The following DHX29 variants were observed in gnomAD, a reference collection of about 807,000 sequenced individuals.
The protein encoded by DHX29 is ATP-dependent RNA helicase DHX29.
A neutral mutation model predicts 167.9 loss-of-function variants in DHX29; 79 were observed. The observed-to-expected ratio is 0.47, with a 90% CI of 0.39 to 0.57. The LOEUF is 0.57. Ranked by LOEUF, DHX29 falls within the 20% of genes least tolerant of loss-of-function variation. The probability of loss-of-function intolerance (pLI) is 0.00; values close to 1 mark genes in which losing one functional copy is unlikely to be tolerated. For missense variants in DHX29, 1,347 were observed against 1,593.4 expected (o/e 0.85, Z 2.63); for synonymous variants, 530 against 546.0 (o/e 0.97, Z 0.41).
chr5:55,304,462 G>A (rs1006516799), intron 1 of DHX29, among the ~76,000 whole-genome samples: 2 of 151,768 alleles, frequency 1.3e-5, no homozygotes, highest in African/African-American at 2.4e-5. Flanking sequence ...ACAGGCGCTC[G>A]CCACTATGCC....
At position 55,273,344 on chromosome 5, in the gene DHX29, T is replaced by G; in HGVS notation, c.2724A>C (p.Ser908=). 1 of 1,593,188 alleles carries G rather than the reference T, an allele frequency of 6.3e-7. No individual in the cohort carries two copies. The highest frequency in any genetic ancestry group is 1.1e-5 in the South Asian group (1 of 87,224). The part of the protein sequence containing the change: ...YKVIALHSIL[S]TQDQAAAFTL... ...TGAATGCTGCAGCTTGATCTTGGGT[T>G]GAAAGAATAGAATGCAGAGCTATCA... The change falls in exon 17 of 27, where the codon TCA becomes TCC. Residue 908 remains serine (S), a synonymous_variant. Transcript: ENST00000251636.
At chr5:55,304,105 T>C (rs568487939) in intron 1 of DHX29, among the ~76,000 whole-genome samples, 1 of 152,010 alleles carries the variant, frequency 6.6e-6, no homozygotes, top group South Asian at 2.1e-4. Flanking sequence ...GTGGCACTTC[T>C]AAAGCACAGG....
At chr5:55,262,980 A>G (rs1432650793) in intron 23 of DHX29, 48 bp from the exon 24 acceptor site, 1 of 1,378,966 alleles carries the variant, frequency 7.3e-7, no homozygotes. Flanking sequence ...TGATTAGAGG[A>G]ATTTCCAAAT....
Position 55,276,257 on chromosome 5 carries a change from T to G in DHX29, c.2427+9A>C. On this transcript the variant is annotated intron_variant, in intron 14 of 26. Coordinates refer to ENST00000251636, the MANE Select transcript of DHX29 (RefSeq NM_019030.4). ...TTATCTGATATCTTTCAAAATATTT[T>G]CTTTTTACCTGATATTTTTTTATTC... 5 of 1,563,464 alleles carry G rather than the reference T, an allele frequency of 3.2e-6. No homozygotes were observed. The highest frequency in any genetic ancestry group is 2.6e-6 in the Non-Finnish European group (3 of 1,162,826).
At chr5:55,287,863 T>C (rs1248358870) in intron 8 of DHX29, among the ~76,000 whole-genome samples, 3 of 143,828 alleles carry the variant, frequency 2.1e-5, no homozygotes, top group African/African-American at 2.6e-5. Context: ...GCAGGAGAAT[T>C]GCTTGAATCC....
intron 11 of DHX29, among the ~76,000 whole-genome samples, chr5:55,282,026 TC>T (rs1174981478): frequency 2.0e-5 from 3 of 151,926 alleles, no homozygotes; most frequent in South Asian, 4.2e-4. Flanking sequence ...CCTCAGGTGA[TC>T]CCCCCGCCTC....
chr5:55,286,776 G>C (rs980368304), intron 8 of DHX29, among the ~76,000 whole-genome samples: 7 of 152,148 alleles, frequency 4.6e-5, no homozygotes, highest in African/African-American at 1.7e-4. Context: ...ACTCATATTT[G>C]GCTAGCAGCT....
Position 55,283,830 on chromosome 5 carries a change from T to C in DHX29, c.1357-19A>G, listed in dbSNP as rs1479674309. 4 of 1,544,290 alleles carry C rather than the reference T, an allele frequency of 2.6e-6. No homozygotes were observed. In the South Asian group the frequency reaches 5.1e-5, roughly 20 times the overall value. On this transcript the variant is annotated intron_variant, in intron 10 of 26. Transcript: ENST00000251636. ...GAACTGACTAAAGGAAAAACAGAGGTATGTTATTTTCACTAACTATTCAAT... is the reference window on the plus strand; with the variant it reads ...GAACTGACTAAAGGAAAAACAGAGGCATGTTATTTTCACTAACTATTCAAT...
At chr5:55,266,681 T>C (rs1394187063) in intron 23 of DHX29, among the ~76,000 whole-genome samples, 2 of 152,134 alleles carry the variant, frequency 1.3e-5, no homozygotes, top group African/African-American at 4.8e-5. Flanking sequence ...AGTGGTACAA[T>C]TGTAACTCAC....
chr5:55,299,000 G>A (rs578098066), intron 1 of DHX29, among the ~76,000 whole-genome samples: 5 of 137,290 alleles, frequency 3.6e-5, no homozygotes, highest in Middle Eastern at 4.4e-3. Context: ...ACTGCAGTCC[G>A]CAGTCCGGCC....
intron 5 of DHX29, 87 bp from the exon 6 acceptor site, chr5:55,294,232 A>G: frequency 7.7e-7 from 1 of 1,292,346 alleles, no homozygotes; most frequent in Non-Finnish European, 1.0e-6. Context: ...ATTTCCTCAC[A>G]CTCAAAAGCA....
Position 55,277,201 on chromosome 5 carries a change from T to C in DHX29, c.2191A>G (p.Ile731Val), listed in dbSNP as rs1186996852. The C allele has an allele frequency of 1.2e-6, 2 of 1,611,800 alleles. No individual in the cohort carries two copies. Among genetic ancestry groups the C allele is most frequent in the Non-Finnish European group, 1.7e-6 (2 of 1,178,000 alleles). The stretch of plus-strand genomic sequence containing the variant: ...CTGTCCACAGTGGCACTCATTAGAA[T>C]CAAGTGTAGATCAGAACGTTTCTGT... ...ILQKRSDLHLILMSATVDSEK... is the reference protein window; with the variant it reads ...ILQKRSDLHLVLMSATVDSEK... The change falls in exon 13 of 27, where the codon ATT (isoleucine) becomes GTT (valine). Residue 731 changes from isoleucine (I) to valine (V), a missense_variant. Around this residue, in one of 3 missense-constraint regions of DHX29, gnomAD observed 882 missense variants for 1,082.4 expected, o/e 0.81. Coordinates refer to ENST00000251636, the MANE Select transcript of DHX29 (RefSeq NM_019030.4).
At position 55,274,636 on chromosome 5, in the gene DHX29, C is replaced by T; in HGVS notation, c.2668G>A (p.Asp890Asn). ...TACCGTTCAGAATAAAATCTTCTATCATTTGATAGAAGATCATACAACTGC... is the reference window on the plus strand; with the variant it reads ...TACCGTTCAGAATAAAATCTTCTATTATTTGATAGAAGATCATACAACTGC... The part of the protein sequence containing the change: ...IQQLYDLLSN[D>N]RRFYSERYKV... Residue 890 changes from aspartate (D) to asparagine (N), a missense_variant, in exon 16 of 27, where the codon GAT becomes AAT. Asp to Asn is a conservative substitution (Grantham distance 23). Coordinates refer to ENST00000251636, the MANE Select transcript of DHX29 (RefSeq NM_019030.4). The T allele has an allele frequency of 1.9e-6, 3 of 1,598,278 alleles. No individual in the cohort carries two copies. Among genetic ancestry groups the T allele is most frequent in the Non-Finnish European group, 2.6e-6 (3 of 1,174,468 alleles).
Position 55,296,287 on chromosome 5 carries a change from G to A in DHX29, c.438C>T (p.Thr146=). ...FKTKDIEDAM[T]NTLLYGGDLH... ...GGTCACCTCCATATAAGAGTGTATTGGTCATGGCATCTTCAATGTCCTTTG... is the reference window on the plus strand; with the variant it reads ...GGTCACCTCCATATAAGAGTGTATTAGTCATGGCATCTTCAATGTCCTTTG... The change falls in exon 4 of 27, where the codon ACC becomes ACT. Residue 146 remains threonine, a synonymous_variant. Coordinates refer to ENST00000251636, the MANE Select transcript of DHX29 (RefSeq NM_019030.4). 1 of 1,613,560 alleles carries A rather than the reference G, an allele frequency of 6.2e-7. No individual in the cohort carries two copies. Among genetic ancestry groups the A allele is most frequent in the Non-Finnish European group, 8.5e-7 (1 of 1,179,734 alleles).
intron 4 of DHX29, among the ~76,000 whole-genome samples, 185 bp from the exon 5 acceptor site, chr5:55,295,709 G>A (rs1036268397): frequency 7.9e-5 from 12 of 152,072 alleles, no homozygotes; most frequent in Admixed American, 3.9e-4. Context: ...AGAAGTGAAC[G>A]TACTCATCAG....
At chr5:55,286,325 G>A (rs1747729593) in intron 8 of DHX29, among the ~76,000 whole-genome samples, 1 of 151,870 alleles carries the variant, frequency 6.6e-6, no homozygotes, top group African/African-American at 2.4e-5. Flanking sequence ...GTGACATAAG[G>A]AAATCCTCTT....
chr5:55,290,457 C>A, intron 6 of DHX29, 113 bp from the exon 7 acceptor site: 1 of 1,262,874 alleles, frequency 7.9e-7, no homozygotes, highest in Non-Finnish European at 1.1e-6. Flanking sequence ...ATCCTTTGAT[C>A]CAGCAAATCT....
At position 55,289,376 on chromosome 5, in the gene DHX29, T is replaced by G. The variant is rs1747916676; in HGVS notation, c.960A>C (p.Ser320=). 1 of 1,601,742 alleles carries G rather than the reference T, an allele frequency of 6.2e-7. No homozygotes were observed. The highest frequency in any genetic ancestry group is 1.7e-5 in the Admixed American group (1 of 57,220). ...HPVFNPAMKI[S]HQQNERKKPP... ...GCTTTTTCCTTTCATTTTGTTGATG[T>G]GAAATCTTCATGGCTGGGTTAAATA... Residue 320 remains serine, a synonymous_variant, in exon 8 of 27, where the codon TCA becomes TCC. Transcript: ENST00000251636.
chr5:55,260,314 C>G (rs1746252422), intron 25 of DHX29, among the ~76,000 whole-genome samples: 1 of 152,106 alleles, frequency 6.6e-6, no homozygotes, highest in South Asian at 2.1e-4. Flanking sequence ...TCACTGCAAC[C>G]TTCGCCTCCC....
Sources: allele counts gnomAD v4.1 joint callset (sites outside exome capture counted in the v4.1 genomes callset), GRCh38; gene constraint gnomAD v4.1.1; regional missense constraint gnomAD v4.1.1; transcripts MANE v1.5; gene names NCBI Gene and HGNC (gene_info 2026-07-23, HGNC 2026-07-21).